The following SYNJ1 variants were observed in gnomAD, a reference collection of about 807,000 sequenced individuals.
SYNJ1 encodes polyphosphatidylinositol phosphatase SYNJ1.
Under a neutral mutation model 168.2 loss-of-function variants are expected in SYNJ1, and 78 were observed. The ratio of observed to expected loss-of-function variants is 0.46; its 90% CI spans 0.39 to 0.56. The LOEUF (loss-of-function observed/expected upper bound fraction) is 0.56, where lower values mean the gene tolerates loss of function less well. Ranked by LOEUF, SYNJ1 falls within the 20% of genes least tolerant of loss-of-function variation. The probability of loss-of-function intolerance (pLI) is 0.00; values close to 1 mark genes in which losing one functional copy is unlikely to be tolerated. For missense variants in SYNJ1, 1,303 were observed against 1,597.6 expected, an observed-to-expected ratio of 0.82 and a Z score of 3.14; for synonymous variants, 539 against 548.6, an observed-to-expected ratio of 0.98 and a Z score of 0.24.
chr21:32,638,784 A>G (rs2039693990), intron 31 of SYNJ1, 124 bp downstream of exon 31: 3 of 916,350 alleles, frequency 3.3e-6, no homozygotes, highest in Non-Finnish European at 4.7e-6. Context: ...TAACAAATAT[A>G]AAAAGAAAAT....
intron 23 of SYNJ1, among the ~76,000 whole-genome samples, chr21:32,648,466 T>G (rs1212155868): frequency 6.6e-6 from 1 of 152,240 alleles, no homozygotes; most frequent in African/African-American, 2.4e-5. Context: ...CTTCTCATCT[T>G]TCTGTGTTAC....
chr21:32,639,613 G>A, intron 30 of SYNJ1, 58 bp downstream of exon 30: 1 of 1,417,158 alleles, frequency 7.1e-7, no homozygotes, highest in South Asian at 1.2e-5. Context: ...GCCCAAGCTG[G>A]TCTCAAATTT....
intron 2 of SYNJ1, among the ~76,000 whole-genome samples, chr21:32,709,810 G>A (rs2042762975): frequency 6.6e-6 from 1 of 151,976 alleles, no homozygotes; most frequent in African/African-American, 2.4e-5. Context: ...AAGCCATGGT[G>A]TCCAGCCAAA....
At chr21:32,719,401 TAC>T (rs2043135776) in intron 2 of SYNJ1, among the ~76,000 whole-genome samples, 1 of 152,228 alleles carries the variant, frequency 6.6e-6, no homozygotes, top group Non-Finnish European at 1.5e-5. Flanking sequence ...GACGGCAGTG[TAC>T]TCTGTTCCAA....
intron 2 of SYNJ1, 38 bp downstream of exon 2, chr21:32,726,734 A>G: frequency 6.2e-7 from 1 of 1,609,484 alleles, no homozygotes; most frequent in African/African-American, 1.3e-5. Flanking sequence ...AAATCAAAAC[A>G]GAGACCATGA....
chr21:32,694,812 C>A (rs536858248), intron 5 of SYNJ1, among the ~76,000 whole-genome samples: 42 of 152,156 alleles, frequency 2.8e-4, no homozygotes, highest in African/African-American at 9.9e-4. Flanking sequence ...AAATTCAATA[C>A]CAAAACACAC....
Position 32,685,920 on chromosome 21 carries a change from G to A in SYNJ1, c.949-3C>T. ...TGTTCAGAAGCTTTCAAATGACTCT[G>A]AAAGTAAAAAGGCAAATATTCATCT... On this transcript the variant is annotated splice_region_variant and splice_polypyrimidine_tract_variant and intron_variant, in intron 8 of 32. Coordinates refer to ENST00000674351, the MANE Select transcript of SYNJ1 (RefSeq NM_203446.3). 1 of 1,600,890 alleles carries A rather than the reference G, an allele frequency of 6.2e-7. No individual in the cohort carries two copies. The highest frequency in any genetic ancestry group is 1.3e-5 in the African/African-American group (1 of 74,204).
chr21:32,687,820 T>C (rs114272473), intron 7 of SYNJ1, among the ~76,000 whole-genome samples: 1,637 of 152,276 alleles, frequency 0.011, 33 homozygotes, highest in African/African-American at 0.038. Flanking sequence ...TGAATATGAA[T>C]GATGACTTTT....
chr21:32,634,812 G>A (rs1332674961), intron 32 of SYNJ1, 49 bp downstream of exon 32: 2 of 1,594,418 alleles, frequency 1.3e-6, no homozygotes, highest in South Asian at 2.2e-5. Flanking sequence ...TACATCTAAT[G>A]TGTTGAGACG....
intron 22 of SYNJ1, among the ~76,000 whole-genome samples, chr21:32,652,350 A>T (rs905850151): frequency 6.6e-6 from 1 of 151,978 alleles, no homozygotes; most frequent in African/African-American, 2.4e-5. Flanking sequence ...ACAGGCGCCC[A>T]CCACCACGCC....
chr21:32,685,852 C>T lies in SYNJ1; in HGVS notation c.1014G>A (p.Met338Ile), dbSNP rs770791591. Residue 338 changes from methionine (M) to isoleucine (I), a missense_variant, in exon 9 of 33, where the codon ATG becomes ATA. Met to Ile is a conservative substitution (Grantham distance 10). Coordinates refer to ENST00000674351, the MANE Select transcript of SYNJ1 (RefSeq NM_203446.3). ...IQMVNFDYHQ[M>I]VKGGKAEKLH... ...ATTTTTCTGCCTTTCCTCCCTTAAC[C>T]ATTTGATGATAGTCAAAATTCACCA... The T allele has an allele frequency of 1.2e-6, 2 of 1,612,838 alleles. No individual in the cohort carries two copies. The highest frequency in any genetic ancestry group is 1.3e-5 in the African/African-American group (1 of 74,836).
chr21:32,694,451 G>C (rs2042133414), intron 5 of SYNJ1, 140 bp from the exon 6 acceptor site: 7 of 574,600 alleles, frequency 1.2e-5, no homozygotes, highest in Non-Finnish European at 1.9e-5. Context: ...TCCAAAACAG[G>C]CCACTATACA....
At chr21:32,643,284 A>G (rs2039922914) in intron 27 of SYNJ1, 126 bp downstream of exon 27, 2 of 924,764 alleles carry the variant, frequency 2.2e-6, no homozygotes, top group African/African-American at 3.4e-5. Flanking sequence ...GAGGGGAAAG[A>G]GAAGTTTACA....
chr21:32,727,743 G>A lies in SYNJ1; in HGVS notation c.-23+203C>T, dbSNP rs541288378. 9 of 1,178,696 alleles carry A rather than the reference G, an allele frequency of 7.6e-6. No individual in the cohort carries two copies. In the East Asian group the frequency reaches 2.7e-4, roughly 36 times the overall value. The allele number at this position is 1,178,696 out of a possible 1,614,324, so 73.0% of individuals were successfully genotyped here. A position where few individuals can be genotyped will look rare whatever the true frequency, so the allele number is the denominator to read the frequency against. On this transcript the variant is annotated intron_variant, in intron 1 of 32. Coordinates refer to ENST00000674351, the MANE Select transcript of SYNJ1 (RefSeq NM_203446.3). ...CGGGCTGACAGCCGCTGTCACCACA[G>A]CCCCCAGCCTGACGCGGCACCCCGC... is the stretch of plus-strand genomic sequence containing the variant.
rs889416921 is a variant in SYNJ1, at chr21:32,670,427, C to A, written c.1727-55G>T. 6.0e-6 allele frequency: 8 copies of A among 1,332,622 alleles called. No homozygotes were observed. In the Admixed American group the frequency reaches 1.4e-4, roughly 24 times the overall value. The allele number at this position is 1,332,622 out of a possible 1,614,324, so 82.5% of individuals were successfully genotyped here. ...AAATATAGCCTCAGGCAAATAGCAACCCCATCCAACACAACATAACACCAG... is the reference window on the plus strand; with the variant it reads ...AAATATAGCCTCAGGCAAATAGCAAACCCATCCAACACAACATAACACCAG... On this transcript the variant is annotated intron_variant, in intron 14 of 32. Transcript: ENST00000674351.
At chr21:32,637,406 CTTTTTTT>C (rs5843562) in intron 31 of SYNJ1, among the ~76,000 whole-genome samples, 6 of 100,300 alleles carry the variant, frequency 6.0e-5, no homozygotes, top group East Asian at 2.8e-4. Flanking sequence ...TTTCTTTTTT[CTTTTTTT>C]TTTTTTTTTT....
At chr21:32,688,433 C>T (rs1275471803) in intron 6 of SYNJ1, 66 bp from the exon 7 acceptor site, 4 of 1,262,070 alleles carry the variant, frequency 3.2e-6, no homozygotes, top group South Asian at 1.3e-5. Context: ...AATATCACTG[C>T]TTACAATATC....
At chr21:32,639,622 T>C (rs1226922663) in intron 30 of SYNJ1, 49 bp downstream of exon 30, 1 of 1,517,610 alleles carries the variant, frequency 6.6e-7, no homozygotes, top group Non-Finnish European at 9.1e-7. Context: ...GGTCTCAAAT[T>C]TCTGGGCTCA....
At chr21:32,721,681 A>G (rs1196248472) in intron 2 of SYNJ1, among the ~76,000 whole-genome samples, 8 of 144,830 alleles carry the variant, frequency 5.5e-5, no homozygotes, top group East Asian at 2.0e-4. Context: ...TCCATCTTGG[A>G]AAAAAAAAAA....
Sources: allele counts gnomAD v4.1 joint callset (sites outside exome capture counted in the v4.1 genomes callset), GRCh38; gene constraint gnomAD v4.1.1; transcripts MANE v1.5; gene names NCBI Gene and HGNC (gene_info 2026-07-23, HGNC 2026-07-21).